BEND7: variants seen among roughly 807,000 people sequenced by gnomAD.
The protein encoded by BEND7 is BEN domain containing 7.
A neutral mutation model predicts 50.9 loss-of-function variants in BEND7; 28 were observed. The observed-to-expected ratio is 0.55, with a 90% CI of 0.41 to 0.75. BEND7 has a LOEUF of 0.75. Ranked by LOEUF, BEND7 falls within the 30% of genes least tolerant of loss-of-function variation. The probability of loss-of-function intolerance (pLI) is 0.00; values close to 1 mark genes in which losing one functional copy is unlikely to be tolerated. For missense variants in BEND7, 477 were observed against 491.3 expected, an observed-to-expected ratio of 0.97 and a Z score of 0.28; for synonymous variants, 170 against 183.9, an observed-to-expected ratio of 0.92 and a Z score of 0.61.
At chr10:13,507,402 G>A (rs1405157994) in intron 2 of BEND7, among the ~76,000 whole-genome samples, 3 of 152,162 alleles carry the variant, frequency 2.0e-5, no homozygotes, top group African/African-American at 4.8e-5. Context: ...TGAAAGAAAT[G>A]GGGTCCAATC....
In BEND7 at chr10:13,528,626, C is replaced by A; in HGVS notation, c.-93G>T. On this transcript the variant is annotated 5_prime_UTR_variant, in exon 1 of 9. Transcript: ENST00000466271. ...CGGCAGCGGCGGCGCGGGCTCGTGT[C>A]ACCGCGGCGGAGCCGCCGGGACCAA... 3.4e-5 allele frequency: 23 copies of A among 668,164 alleles called. No homozygotes were observed. The highest frequency in any genetic ancestry group is 4.2e-5 in the Non-Finnish European group (23 of 544,762). 41.4% of individuals were successfully genotyped at this position (668,164 alleles called of 1,614,324 possible).
intron 6 of BEND7, among the ~76,000 whole-genome samples, chr10:13,466,695 G>A (rs2074282651): frequency 1.3e-5 from 2 of 152,190 alleles, no homozygotes; most frequent in Admixed American, 6.5e-5. Context: ...GGAATCACCA[G>A]CTCAGAGGCC....
intron 6 of BEND7, among the ~76,000 whole-genome samples, chr10:13,468,758 T>C (rs1014731798): frequency 1.3e-5 from 2 of 152,174 alleles, no homozygotes; most frequent in African/African-American, 4.8e-5. Context: ...GGCCAGGTAA[T>C]TGAGCAGGGT....
At chr10:13,480,801 C>T (rs1334570073) in intron 6 of BEND7, 98 bp downstream of exon 6, 6 of 1,544,734 alleles carry the variant, frequency 3.9e-6, no homozygotes, top group Non-Finnish European at 4.4e-6. Context: ...GCAAATGAAA[C>T]TGGCCACTAG....
At chr10:13,481,204 T>A (rs2075830496) in intron 5 of BEND7, 80 bp from the exon 6 acceptor site, 5 of 1,300,420 alleles carry the variant, frequency 3.8e-6, no homozygotes, top group Non-Finnish European at 4.3e-6. Flanking sequence ...CAAAAAAACA[T>A]CACTAGCTAC....
intron 6 of BEND7, 96 bp downstream of exon 6, chr10:13,480,803 G>T: frequency 6.4e-7 from 1 of 1,550,718 alleles, no homozygotes; most frequent in Non-Finnish European, 8.7e-7. Context: ...AAATGAAACT[G>T]GCCACTAGTC....
intron 6 of BEND7, among the ~76,000 whole-genome samples, chr10:13,468,594 T>C (rs1458597327): frequency 6.6e-6 from 1 of 152,070 alleles, no homozygotes; most frequent in Non-Finnish European, 1.5e-5. Flanking sequence ...TTAGGATACA[T>C]TAGGAACTGG....
intron 5 of BEND7, among the ~76,000 whole-genome samples, chr10:13,484,697 A>T (rs1365447466): frequency 6.6e-6 from 1 of 152,246 alleles, no homozygotes; most frequent in Non-Finnish European, 1.5e-5. Flanking sequence ...TTAAATGATG[A>T]TGTCTAAACG....
At chr10:13,504,838 G>A (rs1255123052) in intron 2 of BEND7, among the ~76,000 whole-genome samples, 1 of 152,204 alleles carries the variant, frequency 6.6e-6, no homozygotes, top group Non-Finnish European at 1.5e-5. Flanking sequence ...GATCTAAAAA[G>A]ATTGTATGCT....
At chr10:13,497,493 A>G (rs2077109296) in intron 3 of BEND7, among the ~76,000 whole-genome samples, 1 of 152,134 alleles carries the variant, frequency 6.6e-6, no homozygotes, top group East Asian at 1.9e-4. Flanking sequence ...GTTCGAGGGT[A>G]TTGGTGGGCT....
intron 2 of BEND7, among the ~76,000 whole-genome samples, chr10:13,518,873 C>A (rs2078884087): frequency 6.6e-6 from 1 of 152,210 alleles, no homozygotes. Flanking sequence ...AATCACATAT[C>A]TGAGGACCTA....
At chr10:13,439,261 T>A (rs750831382), downstream of BEND7, 2 of 1,614,202 alleles carry the variant, frequency 1.2e-6, no homozygotes, top group Admixed American at 3.3e-5. Flanking sequence ...TGATGAAGTG[T>A]AGCTGAGACC....
intron 2 of BEND7, among the ~76,000 whole-genome samples, chr10:13,512,934 A>C (rs541461691): frequency 6.6e-6 from 1 of 152,312 alleles, no homozygotes; most frequent in South Asian, 2.1e-4. Flanking sequence ...GGGCTAAGGC[A>C]ACAGTAACTT....
intron 6 of BEND7, among the ~76,000 whole-genome samples, chr10:13,474,494 G>A (rs1001136935): frequency 2.0e-5 from 3 of 151,514 alleles, no homozygotes; most frequent in Non-Finnish European, 2.9e-5. Context: ...ACTCGGGGCC[G>A]ATACCCGTCA....
chr10:13,491,779 G>A (rs2076681410), intron 5 of BEND7, among the ~76,000 whole-genome samples: 1 of 152,084 alleles, frequency 6.6e-6, no homozygotes, highest in African/African-American at 2.4e-5. Flanking sequence ...AAGTTTAAAA[G>A]GTATGGCCAA....
At chr10:13,480,859 C>T in intron 6 of BEND7, 40 bp downstream of exon 6, 2 of 1,610,408 alleles carry the variant, frequency 1.2e-6, no homozygotes, top group Non-Finnish European at 1.7e-6. Context: ...GAAGGGAAAG[C>T]TCAACGAAGA....
chr10:13,518,025 T>C (rs939411135), intron 2 of BEND7, among the ~76,000 whole-genome samples: 4 of 152,218 alleles, frequency 2.6e-5, no homozygotes, highest in African/African-American at 4.8e-5. Context: ...TTTCACTGTA[T>C]AGATGGCCAT....
chr10:13,464,224 G>A (rs1464105811), intron 6 of BEND7, among the ~76,000 whole-genome samples: 2 of 152,226 alleles, frequency 1.3e-5, no homozygotes, highest in Non-Finnish European at 2.9e-5. Context: ...GATGACAGCT[G>A]CCTTGGGTGA....
chr10:13,447,098 ATC>A, intron 8 of BEND7, 166 bp downstream of exon 8: 2 of 683,974 alleles, frequency 2.9e-6, no homozygotes, highest in Non-Finnish European at 2.6e-6. Context: ...TATGAAAAAC[ATC>A]TCTGAGTACG....
Sources: allele counts gnomAD v4.1 joint callset (sites outside exome capture counted in the v4.1 genomes callset), GRCh38; gene constraint gnomAD v4.1.1; transcripts MANE v1.5; gene names NCBI Gene and HGNC (gene_info 2026-07-23, HGNC 2026-07-21).